The following RP1 variants were observed in gnomAD, a reference collection of about 807,000 sequenced individuals.
The protein encoded by RP1 is oxygen-regulated protein 1.
A neutral mutation model predicts 14.8 loss-of-function variants in RP1; 16 were observed. That is an observed-to-expected ratio of 1.08 (90% CI 0.73 to 1.65). RP1 has a LOEUF of 1.65. Ranked by LOEUF, RP1 falls within the 40% of genes most tolerant of loss-of-function variation. The probability of loss-of-function intolerance (pLI) is 0.00; values close to 1 mark genes in which losing one functional copy is unlikely to be tolerated. For missense variants in RP1, 2,631 were observed against 2,535.0 expected (o/e 1.04, Z -0.81); for synonymous variants, 876 against 883.6 (o/e 0.99, Z 0.15).
rs369407541 is a variant in RP1, at chr8:54,628,998, G to A, written c.5116G>A (p.Val1706Ile). 30 of 1,613,982 alleles carry A rather than the reference G, an allele frequency of 1.9e-5. No individual in the cohort carries two copies. The highest frequency in any genetic ancestry group is 2.4e-5 in the Non-Finnish European group (28 of 1,179,984). ...GGAGGAAAGACAAGATAAGTGTGAT[G>A]TTAGTGCTGTGAGGGACAATTATTG... Reference protein sequence around the residue: ...FQEERQDKCDVSAVRDNYCRG... With the variant: ...FQEERQDKCDISAVRDNYCRG... The change falls in exon 4 of 4, where the codon GTT becomes ATT. Residue 1706 changes from valine (V) to isoleucine (I), a missense_variant. Val to Ile is a conservative substitution (Grantham distance 29). Transcript: ENST00000220676.
chr8:54,719,135 C>G (rs566158725), intron 15 of RP1, among the ~76,000 whole-genome samples: 83 of 152,254 alleles, frequency 5.5e-4, no homozygotes, highest in Non-Finnish European at 1.2e-3. Flanking sequence ...GCTTGTTCAT[C>G]CATACACCAT....
intron 19 of RP1, among the ~76,000 whole-genome samples, chr8:54,754,196 C>G (rs889116961): frequency 6.6e-6 from 1 of 152,020 alleles, no homozygotes. Context: ...GGCATTTGGT[C>G]TGTGGCAACT....
intron 25 of RP1, among the ~76,000 whole-genome samples, chr8:54,841,183 A>G (rs1445785956): frequency 6.6e-6 from 1 of 152,204 alleles, no homozygotes; most frequent in Admixed American, 6.5e-5. Context: ...AGACCAATGA[A>G]CTGATACTTC....
At chr8:54,587,660 A>G (rs1379407864) in intron 1 of RP1, among the ~76,000 whole-genome samples, 1 of 152,220 alleles carries the variant, frequency 6.6e-6, no homozygotes, top group Non-Finnish European at 1.5e-5. Context: ...GTTAGACAGC[A>G]GAATACTTTT....
At chr8:54,663,755 G>A in exon 7 of RP1, 2 of 1,535,058 alleles carry the variant, frequency 1.3e-6, no homozygotes, top group Non-Finnish European at 1.7e-6. Context: ...TGGAACAGTA[G>A]CAAACGTCTA....
At chr8:54,679,582 CT>C in intron 10 of RP1, 1 of 1,535,928 alleles carries the variant, frequency 6.5e-7, no homozygotes, top group Admixed American at 2.0e-5. Flanking sequence ...ATTGCCCTCT[CT>C]TTATCTTCTC....
rs760286416 is a variant in RP1, at chr8:54,626,682, T to A, written c.2800T>A (p.Ser934Thr). 4.3e-6 allele frequency: 7 copies of A among 1,613,934 alleles called. No homozygotes were observed. The highest frequency in any genetic ancestry group is 4.2e-6 in the Non-Finnish European group (5 of 1,179,910). ...NPYPTLKPIK[S>T]APVCRNETSV... is the part of the protein sequence containing the mutation. The stretch of plus-strand genomic sequence containing the variant: ...ATATCCAACTTTAAAGCCTATAAAA[T>A]CAGCTCCAGTATGTAGAAATGAAAC... The change falls in exon 4 of 4, where the codon TCA becomes ACA. Residue 934 changes from serine to threonine, a missense_variant. Ser to Thr is a moderately conservative substitution (Grantham distance 58). Transcript: ENST00000220676.
intron 25 of RP1, chr8:54,852,548 A>G (rs1168579268): frequency 1.1e-5 from 13 of 1,220,942 alleles, no homozygotes; most frequent in East Asian, 3.2e-5. Flanking sequence ...AATGAGAAAG[A>G]TAATATCAGA....
intron 12 of RP1, among the ~76,000 whole-genome samples, chr8:54,687,385 C>T (rs1388101684): frequency 6.6e-6 from 1 of 152,054 alleles, no homozygotes; most frequent in African/African-American, 2.4e-5. Flanking sequence ...TAGGTATACA[C>T]ATGCCATAGT....
chr8:54,742,118 T>A (rs1314591782), intron 19 of RP1, among the ~76,000 whole-genome samples: 1 of 152,104 alleles, frequency 6.6e-6, no homozygotes, highest in Non-Finnish European at 1.5e-5. Context: ...CAAAAATAGA[T>A]GGTAATTAAA....
chr8:54,605,995 C>T (rs1226096044), intron 1 of RP1, among the ~76,000 whole-genome samples: 2 of 151,288 alleles, frequency 1.3e-5, no homozygotes, highest in Non-Finnish European at 2.9e-5. Context: ...ACTCTTTATC[C>T]AATTTGCCAG....
intron 15 of RP1, among the ~76,000 whole-genome samples, chr8:54,716,784 C>T (rs1443770239): frequency 6.6e-6 from 1 of 152,176 alleles, no homozygotes; most frequent in African/African-American, 2.4e-5. Flanking sequence ...TTCTCAGACT[C>T]CCTCCTTGAG....
intron 6 of RP1, among the ~76,000 whole-genome samples, chr8:54,659,316 G>C (rs1323470904): frequency 1.3e-5 from 2 of 152,012 alleles, no homozygotes; most frequent in Admixed American, 1.3e-4. Flanking sequence ...TATCCTGAAG[G>C]TTTTCTCTTA....
intron 24 of RP1, among the ~76,000 whole-genome samples, chr8:54,787,156 A>G (rs1462857473): frequency 6.6e-6 from 1 of 152,142 alleles, no homozygotes; most frequent in Non-Finnish European, 1.5e-5. Context: ...TAGACTATAG[A>G]GTTCAGCTCT....
chr8:54,622,305 T>C lies in RP1; in HGVS notation c.787+17T>C. ...GCAGAAAGAGTAAGTCACTTATTAA[T>C]ATATAGCCCATATTTTTAGCCCTGA... On this transcript the variant is annotated intron_variant, in intron 3 of 3. Transcript: ENST00000220676. The C allele has an allele frequency of 6.2e-7, 1 of 1,612,884 alleles. No homozygotes were observed. The highest frequency in any genetic ancestry group is 8.5e-7 in the Non-Finnish European group (1 of 1,179,270).
chr8:54,852,470 T>C (rs1812079331), intron 25 of RP1: 1 of 791,768 alleles, frequency 1.3e-6, no homozygotes, highest in African/African-American at 1.8e-5. Flanking sequence ...CCAAGTATCA[T>C]CAACTAGATG....
intron 24 of RP1, among the ~76,000 whole-genome samples, chr8:54,835,301 C>G (rs1811630815): frequency 6.6e-6 from 1 of 152,158 alleles, no homozygotes; most frequent in Non-Finnish European, 1.5e-5. Flanking sequence ...CAGTCTATAG[C>G]ACTAGCCATG....
At chr8:54,752,774 G>A (rs2129365768) in intron 19 of RP1, among the ~76,000 whole-genome samples, 1 of 152,310 alleles carries the variant, frequency 6.6e-6, no homozygotes, top group South Asian at 2.1e-4. Flanking sequence ...GATGTTGGAG[G>A]AAAACTGGAG....
intron 18 of RP1, among the ~76,000 whole-genome samples, chr8:54,738,476 A>G (rs1808992058): frequency 6.6e-6 from 1 of 152,186 alleles, no homozygotes. Flanking sequence ...GTATCATCAA[A>G]GACAACAGGA....
Sources: gnomAD v4.1 joint callset for allele counts (sites outside exome capture counted in the v4.1 genomes callset) on GRCh38, gnomAD v4.1.1 for gene constraint, MANE v1.5 for transcripts, NCBI Gene and HGNC (gene_info 2026-07-23, HGNC 2026-07-21) for gene names.